DNAI7: variants seen among roughly 807,000 people sequenced by gnomAD.
DNAI7 encodes cancer susceptibility 1.
In DNAI7, 78 loss-of-function variants were observed where a neutral mutation model predicts 86.6. The observed-to-expected ratio is 0.90, with a 90% CI of 0.75 to 1.09. DNAI7 has a LOEUF of 1.09. Among genes scored for constraint, DNAI7 ranks in the 50% least tolerant of loss-of-function variants. The pLI, the probability that DNAI7 is intolerant of heterozygous loss-of-function variation, is 0.00. For missense variants in DNAI7, 753 were observed against 810.2 expected (o/e 0.93, Z 0.86); for synonymous variants, 274 against 273.0 (o/e 1.00, Z -0.04).
At chr12:25,189,903 A>G (rs1950347472) in intron 2 of DNAI7, among the ~76,000 whole-genome samples, 1 of 151,880 alleles carries the variant, frequency 6.6e-6, no homozygotes, top group East Asian at 1.9e-4. Flanking sequence ...TTACAGGACT[A>G]TTTAGGCCCA....
chr12:25,128,345 A>C, intron 9 of DNAI7, among the ~76,000 whole-genome samples: 1 of 152,218 alleles, frequency 6.6e-6, no homozygotes, highest in East Asian at 1.9e-4. Flanking sequence ...TTAATTAAGA[A>C]TAATTATCCT....
chr12:25,175,333 T>C (rs894768419), intron 2 of DNAI7, among the ~76,000 whole-genome samples: 4 of 152,126 alleles, frequency 2.6e-5, no homozygotes, highest in African/African-American at 9.7e-5. Context: ...TCTGCCTTCC[T>C]TCCCATTGCA....
At chr12:25,113,860 C>T (rs11047843) in intron 13 of DNAI7, among the ~76,000 whole-genome samples, 25,736 of 151,404 alleles carry the variant, frequency 0.17, 2,302 homozygotes, top group Middle Eastern at 0.23. Context: ...TCCCCACCCA[C>T]TCTCAGCCCC....
intron 9 of DNAI7, among the ~76,000 whole-genome samples, chr12:25,134,199 TTGC>T (rs1420644235): frequency 2.0e-5 from 3 of 152,014 alleles, no homozygotes; most frequent in Admixed American, 6.5e-5. Flanking sequence ...TCTTGATATG[TTGC>T]TCAGGCTGGT....
In DNAI7 at chr12:25,113,435, A is replaced by G. The variant is rs1274444628; in HGVS notation, c.1611+1221T>C. On this transcript the variant is annotated intron_variant, in intron 13 of 15. Coordinates refer to ENST00000395987, the MANE Select transcript of DNAI7 (RefSeq NM_018272.5). ...TTCCGCCTCGGCCTCCTGAGTAGCTAAGACTACAGGCGTGTGCCACCATGC... is the reference window on the plus strand; with the variant it reads ...TTCCGCCTCGGCCTCCTGAGTAGCTGAGACTACAGGCGTGTGCCACCATGC... 2.6e-5 allele frequency among the ~76,000 whole-genome samples: 4 copies of G among 151,936 alleles called. No homozygotes were observed. The East Asian group carries it at 7.8e-4, about 30-fold the overall frequency.
chr12:25,170,971 A>G (rs893371922), intron 2 of DNAI7, among the ~76,000 whole-genome samples: 1 of 152,206 alleles, frequency 6.6e-6, no homozygotes, highest in Non-Finnish European at 1.5e-5. Flanking sequence ...GGGATACAGC[A>G]AAGATGGTGC....
chr12:25,189,127 G>T (rs1358365193), intron 2 of DNAI7, among the ~76,000 whole-genome samples: 1 of 152,182 alleles, frequency 6.6e-6, no homozygotes, highest in African/African-American at 2.4e-5. Context: ...TTCCTGGAAA[G>T]AGCCCAAGTG....
chr12:25,187,152 C>A (rs1950104977), intron 2 of DNAI7, among the ~76,000 whole-genome samples: 1 of 152,194 alleles, frequency 6.6e-6, no homozygotes. Context: ...GAACTACAAA[C>A]CGGCTCCTGA....
intron 2 of DNAI7, among the ~76,000 whole-genome samples, chr12:25,164,631 G>C (rs1947227633): frequency 6.6e-6 from 1 of 152,092 alleles, no homozygotes; most frequent in Admixed American, 6.5e-5. Context: ...CAAACGGTCT[G>C]AGGTGCCTGA....
chr12:25,141,666 T>C (rs1944199553), intron 9 of DNAI7, among the ~76,000 whole-genome samples: 1 of 152,022 alleles, frequency 6.6e-6, no homozygotes, highest in South Asian at 2.1e-4. Context: ...CTGTATCTAC[T>C]AAAAATACAA....
intron 2 of DNAI7, among the ~76,000 whole-genome samples, chr12:25,188,766 C>A (rs1027867337): frequency 6.6e-6 from 1 of 151,190 alleles, no homozygotes; most frequent in Non-Finnish European, 1.5e-5. Context: ...TTCAGAGAAA[C>A]AATACTATCA....
chr12:25,107,717 G>A (rs1217253055), downstream of DNAI7: 4 of 1,134,750 alleles, frequency 3.5e-6, no homozygotes, highest in Non-Finnish European at 5.1e-6. Flanking sequence ...GCAGTTTTGG[G>A]GGTATGAAGG....
intron 8 of DNAI7, among the ~76,000 whole-genome samples, chr12:25,145,098 G>C (rs1309975001): frequency 6.6e-6 from 1 of 152,154 alleles, no homozygotes; most frequent in Non-Finnish European, 1.5e-5. Flanking sequence ...GGTTTGGGTA[G>C]GAGTATGATG....
At chr12:25,165,035 T>TC (rs1367536895) in intron 2 of DNAI7, among the ~76,000 whole-genome samples, 10 of 152,132 alleles carry the variant, frequency 6.6e-5, no homozygotes, top group African/African-American at 2.4e-4. Context: ...GTGTTTAGGC[T>TC]TTTTTCATCA....
chr12:25,176,058 T>C lies in DNAI7; in HGVS notation c.21+14556A>G, dbSNP rs569066650. On this transcript the variant is annotated intron_variant, in intron 2 of 15. Coordinates refer to ENST00000395987, the MANE Select transcript of DNAI7 (RefSeq NM_018272.5). ...TCATGCCACTGCACTCCAGCCTAGATGACAGAGCGAGACTCCATCTCAGAA... is the reference window on the plus strand; with the variant it reads ...TCATGCCACTGCACTCCAGCCTAGACGACAGAGCGAGACTCCATCTCAGAA... Among the ~76,000 whole-genome samples, 17 of 152,218 alleles carry C rather than the reference T, an allele frequency of 1.1e-4. 1 individual carries two copies. In the South Asian group the frequency reaches 3.5e-3, roughly 32 times the overall value.
chr12:25,141,311 T>C (rs528948396), intron 9 of DNAI7, among the ~76,000 whole-genome samples: 1 of 152,274 alleles, frequency 6.6e-6, no homozygotes, highest in Admixed American at 6.5e-5. Context: ...ACTATGCACC[T>C]AACAAAGATT....
chr12:25,143,075 A>G (rs186223622), intron 9 of DNAI7, among the ~76,000 whole-genome samples: 51 of 152,294 alleles, frequency 3.3e-4, no homozygotes, highest in African/African-American at 1.1e-3. Context: ...TTTAAAGAAG[A>G]ATAAATCATT....
rs138196897 is a variant in DNAI7, at chr12:25,138,352, A to G, written c.1002+6013T>C. Among the ~76,000 whole-genome samples the G allele has an allele frequency of 9.8e-5, 15 of 152,344 alleles. No individual in the cohort carries two copies. In the East Asian group the frequency reaches 2.9e-3, roughly 29 times the overall value. On this transcript the variant is annotated intron_variant, in intron 9 of 15. Transcript: ENST00000395987. ...GTGGCATTTGCCCGTAATTCCAGCTATCCAGGAGGCTGAAGCAGGAGAATC... is the reference window on the plus strand; with the variant it reads ...GTGGCATTTGCCCGTAATTCCAGCTGTCCAGGAGGCTGAAGCAGGAGAATC...
intron 2 of DNAI7, among the ~76,000 whole-genome samples, chr12:25,187,376 T>A (rs1440022240): frequency 6.6e-6 from 1 of 152,166 alleles, no homozygotes; most frequent in Non-Finnish European, 1.5e-5. Flanking sequence ...TGAAATAGCA[T>A]CATCATCAGC....
Sources: gnomAD v4.1 joint callset for allele counts (sites outside exome capture counted in the v4.1 genomes callset) on GRCh38, gnomAD v4.1.1 for gene constraint, MANE v1.5 for transcripts, NCBI Gene and HGNC (gene_info 2026-07-23, HGNC 2026-07-21) for gene names.